CLIP2: variants seen among roughly 807,000 people sequenced by gnomAD.
CLIP2 encodes CAP-Gly domain-containing linker protein 2.
A neutral mutation model predicts 111.7 loss-of-function variants in CLIP2; 41 were observed. The ratio of observed to expected loss-of-function variants is 0.37; its 90% CI spans 0.29 to 0.48. The LOEUF is 0.48. Among genes scored for constraint, CLIP2 ranks in the 20% least tolerant of loss-of-function variants. The pLI is 0.99. For synonymous variants in CLIP2, 660 were observed against 644.2 expected (o/e 1.02, Z -0.37); for missense variants, 1,160 against 1,422.1 (o/e 0.82, Z 2.96).
chr7:74,370,260 T>G (rs1169589039), intron 8 of CLIP2, among the ~76,000 whole-genome samples: 13 of 150,020 alleles, frequency 8.7e-5, no homozygotes, highest in South Asian at 2.1e-4. Context: ...ATCGAAACCA[T>G]CCTGGCTACC....
chr7:74,335,751 C>CT (rs531612418), intron 2 of CLIP2, among the ~76,000 whole-genome samples: 57 of 110,240 alleles, frequency 5.2e-4, no homozygotes, highest in Middle Eastern at 4.4e-3. Context: ...TCTTTCTTTT[C>CT]TTTTTTTTTT....
At chr7:74,364,409 GC>G in intron 8 of CLIP2, 94 bp downstream of exon 8, 28 of 1,101,158 alleles carry the variant, frequency 2.5e-5, no homozygotes, top group Middle Eastern at 2.3e-4. Flanking sequence ...GCACCTCTAG[GC>G]CCCCCCGGGG....
At chr7:74,363,397 G>A (rs1343141238) in intron 7 of CLIP2, among the ~76,000 whole-genome samples, 1 of 152,216 alleles carries the variant, frequency 6.6e-6, no homozygotes, top group Admixed American at 6.5e-5. Context: ...GTGTCTCCCT[G>A]AGGGTAGCCC....
intron 14 of CLIP2, among the ~76,000 whole-genome samples, chr7:74,397,562 T>G (rs1554316893): frequency 6.6e-6 from 1 of 151,964 alleles, no homozygotes; most frequent in East Asian, 1.9e-4. Context: ...GCCAGTTCCT[T>G]GCTCAGGGTC....
chr7:74,305,001 AC>A (rs1350993954), intron 1 of CLIP2, among the ~76,000 whole-genome samples: 2 of 151,776 alleles, frequency 1.3e-5, no homozygotes, highest in African/African-American at 4.8e-5. Flanking sequence ...GTCCCCAGTT[AC>A]CCCACCCCAG....
At chr7:74,348,695 C>T (rs990830570) in intron 3 of CLIP2, among the ~76,000 whole-genome samples, 5 of 149,090 alleles carry the variant, frequency 3.4e-5, no homozygotes, top group Admixed American at 1.4e-4. Flanking sequence ...GAGGCTGAGG[C>T]AGGAGAATGG....
At position 74,395,141 on chromosome 7, in the gene CLIP2, A is replaced by G. The variant is rs907225445; in HGVS notation, c.2721-1933A>G. On this transcript the variant is annotated intron_variant, in intron 13 of 16. Coordinates refer to ENST00000223398, the MANE Select transcript of CLIP2 (RefSeq NM_003388.5). ...ATCAGTTATGAGATTCCTCCCTTCT[A>G]GGATACCTTCTTTTTCTTCTTCTTT... Among the ~76,000 whole-genome samples the G allele has an allele frequency of 1.3e-4, 20 of 150,406 alleles. 1 individual carries two copies. Among genetic ancestry groups the G allele is most frequent in the African/African-American group, 3.9e-4 (16 of 41,084 alleles).
At chr7:74,402,316 C>T (rs1377954921) in intron 16 of CLIP2, among the ~76,000 whole-genome samples, 5 of 124,084 alleles carry the variant, frequency 4.0e-5, no homozygotes, top group East Asian at 2.4e-4. Context: ...GGCGACAGAG[C>T]GAGACTCCAT....
Position 74,338,614 on chromosome 7 carries a change from G to A in CLIP2, c.288G>A (p.Gln96=). The change falls in exon 3 of 17, where the codon CAG becomes CAA. Residue 96 remains glutamine, a synonymous_variant. Coordinates refer to ENST00000223398, the MANE Select transcript of CLIP2 (RefSeq NM_003388.5). This position sits in a 1 kb window ranked among gnomAD's most constrained non-coding sequence, Gnocchi z 4.3. ...WVNGVKPGVV[Q]YLGETQFAPG... Reference sequence around the variant, plus strand: ...ACGGCGTGAAGCCAGGCGTGGTGCAGTATCTGGGAGAGACGCAGTTCGCAC... The same window carrying A: ...ACGGCGTGAAGCCAGGCGTGGTGCAATATCTGGGAGAGACGCAGTTCGCAC... 4 of 1,564,872 alleles carry A rather than the reference G, an allele frequency of 2.6e-6. No homozygotes were observed. The highest frequency in any genetic ancestry group is 3.5e-6 in the Non-Finnish European group (4 of 1,156,474).
intron 1 of CLIP2, among the ~76,000 whole-genome samples, chr7:74,299,690 C>A (rs1361723699): frequency 1.3e-5 from 2 of 151,870 alleles, no homozygotes; most frequent in Non-Finnish European, 2.9e-5. Flanking sequence ...TGACTCGAGG[C>A]CCTTCTTCTT....
chr7:74,396,969 C>G (rs367819935), intron 13 of CLIP2, 105 bp from the exon 14 acceptor site: 3 of 1,402,094 alleles, frequency 2.1e-6, no homozygotes, highest in Middle Eastern at 2.6e-4. Context: ...TAGCCCATGT[C>G]CCCCACCAGT....
intron 13 of CLIP2, 52 bp from the exon 14 acceptor site, chr7:74,397,022 G>A (rs1791469629): frequency 6.3e-7 from 1 of 1,589,378 alleles, no homozygotes; most frequent in African/African-American, 1.3e-5. Context: ...GAGTGTGGGA[G>A]CTGGAGGAGC....
At chr7:74,307,814 G>T (rs1222445564) in intron 1 of CLIP2, among the ~76,000 whole-genome samples, 4 of 152,178 alleles carry the variant, frequency 2.6e-5, no homozygotes, top group Admixed American at 2.6e-4. Flanking sequence ...CATACTGGAG[G>T]CTGCTGGGGG....
At chr7:74,301,959 C>T (rs1387965921) in intron 1 of CLIP2, among the ~76,000 whole-genome samples, 2 of 151,940 alleles carry the variant, frequency 1.3e-5, no homozygotes, top group African/African-American at 4.8e-5. Flanking sequence ...GTGATCCACC[C>T]GCCTTGACCT....
At chr7:74,378,756 C>A (rs903630569) in intron 10 of CLIP2, among the ~76,000 whole-genome samples, 2 of 151,910 alleles carry the variant, frequency 1.3e-5, no homozygotes, top group Non-Finnish European at 2.9e-5. Flanking sequence ...ATACACAAAC[C>A]AAAAAAACCC....
intron 3 of CLIP2, among the ~76,000 whole-genome samples, chr7:74,353,186 TA>T (rs1790056133): frequency 1.3e-5 from 2 of 151,084 alleles, no homozygotes; most frequent in South Asian, 4.2e-4. Flanking sequence ...CTTTTAGGGT[TA>T]CCATTTATTG....
chr7:74,381,423 G>A (rs182702826), intron 11 of CLIP2, among the ~76,000 whole-genome samples: 18 of 152,264 alleles, frequency 1.2e-4, no homozygotes, highest in African/African-American at 3.9e-4. Flanking sequence ...TCCTGACTGC[G>A]TGATCCGCCC....
chr7:74,324,921 C>T (rs958749160), intron 2 of CLIP2, among the ~76,000 whole-genome samples: 1 of 152,172 alleles, frequency 6.6e-6, no homozygotes, highest in Non-Finnish European at 1.5e-5. Flanking sequence ...CCCTCACCCA[C>T]CCATGCAACT....
At chr7:74,361,389 G>A (rs1554309757) in intron 7 of CLIP2, among the ~76,000 whole-genome samples, 1 of 151,660 alleles carries the variant, frequency 6.6e-6, no homozygotes, top group Admixed American at 6.6e-5. Flanking sequence ...GCTAATTTTT[G>A]TATTTTTAGT....
Sources: allele counts gnomAD v4.1 joint callset (sites outside exome capture counted in the v4.1 genomes callset), GRCh38; gene constraint gnomAD v4.1.1; non-coding constraint Gnocchi (gnomAD v3.1); transcripts MANE v1.5; gene names NCBI Gene and HGNC (gene_info 2026-07-23, HGNC 2026-07-21).